Variants in ZFYVE26 observed in about 807,000 individuals in gnomAD.
ZFYVE26 encodes the protein zinc finger FYVE-type containing 26, also known as zinc finger FYVE domain-containing protein 26.
Under a neutral mutation model 276.5 loss-of-function variants are expected in ZFYVE26, and 181 were observed. That is an observed-to-expected ratio of 0.65 (90% confidence interval 0.58 to 0.74). ZFYVE26 has a LOEUF of 0.74. Ranked by LOEUF, ZFYVE26 falls within the 30% of genes least tolerant of loss-of-function variation. The probability of loss-of-function intolerance (pLI) is 0.00; values close to 1 mark genes in which losing one functional copy is unlikely to be tolerated. For synonymous variants in ZFYVE26, 1,129 were observed against 1,203.1 expected (o/e 0.94, Z 1.27); for missense variants, 2,821 against 3,097.9 (o/e 0.91, Z 2.12).
At chr14:67,807,223 G>A (rs751335375) in intron 5 of ZFYVE26, among the ~76,000 whole-genome samples, 175 bp downstream of exon 5, 1 of 152,148 alleles carries the variant, frequency 6.6e-6, no homozygotes, top group African/African-American at 2.4e-5. Context: ...AGGATTACAG[G>A]CCTGAGCCAC....
rs201458213 is a variant in ZFYVE26 at position 67,733,828 on chromosome 14, C to T, written n.2680-4009G>A. 254 of 1,612,906 alleles carry T rather than the reference C, an allele frequency of 1.6e-4. 1 individual carries two copies. In the South Asian group the frequency reaches 2.6e-3, roughly 17 times the overall value. ...CCTATGGAATGTCAGCTGTGAGCTTCTAGGAATCCGGTGGGAGTAGCTGGT... is the reference window on the plus strand; with the variant it reads ...CCTATGGAATGTCAGCTGTGAGCTTTTAGGAATCCGGTGGGAGTAGCTGGT... On this transcript the variant is annotated intron_variant and non_coding_transcript_variant, in intron 13 of 14. Transcript: ENST00000394455.
intron 13 of ZFYVE26, among the ~76,000 whole-genome samples, chr14:67,732,998 C>T (rs1434486276): frequency 6.6e-6 from 1 of 152,018 alleles, no homozygotes; most frequent in Non-Finnish European, 1.5e-5. Context: ...GGAGGGATAG[C>T]ATTAGGAGAT....
At chr14:67,779,583 G>C (rs924730262) in intron 23 of ZFYVE26, among the ~76,000 whole-genome samples, 6 of 152,108 alleles carry the variant, frequency 3.9e-5, no homozygotes, top group African/African-American at 1.4e-4. Flanking sequence ...TAAAAATAAA[G>C]ATAAATAAAA....
chr14:67,740,045 A>G (rs1238829806), intron 13 of ZFYVE26, among the ~76,000 whole-genome samples: 2 of 152,196 alleles, frequency 1.3e-5, no homozygotes, highest in Non-Finnish European at 2.9e-5. Context: ...ATTATTTCCC[A>G]GGACCTCAGT....
intron 34 of ZFYVE26, 76 bp from the exon 35 acceptor site, chr14:67,761,660 A>G: frequency 1.5e-6 from 2 of 1,322,918 alleles, no homozygotes; most frequent in Non-Finnish European, 2.1e-6. Flanking sequence ...TTGCTTGCAA[A>G]GAATATTTAA....
Position 67,785,985 on chromosome 14 carries a change from G to C in ZFYVE26, c.3177C>G (p.Cys1059Trp), listed in dbSNP as rs1345853054. The change falls in exon 18 of 42, where the codon TGC (cysteine) becomes TGG (tryptophan). Residue 1059 changes from cysteine to tryptophan, a missense_variant. By Grantham distance (215) the Cys-to-Trp change is radical. Transcript: ENST00000347230. ...ACATCTGAAGCAGTTCAGTGATGCT[G>C]CACCGTGGAGGGCCTCCTCCCTTTT... ...VEEKGGGPPRCSITELLQMCW... is the reference protein window; with the variant it reads ...VEEKGGGPPRWSITELLQMCW... 2.5e-6 allele frequency: 4 copies of C among 1,614,228 alleles called. No individual in the cohort carries two copies. The Admixed American group carries it at 6.7e-5, about 27-fold the overall frequency.
At chr14:67,759,162 G>A (rs1448359109) in intron 35 of ZFYVE26, among the ~76,000 whole-genome samples, 14 of 147,002 alleles carry the variant, frequency 9.5e-5, no homozygotes, top group Non-Finnish European at 1.8e-4. Context: ...GGAGAAGGGT[G>A]TGAACCCAGG....
At chr14:67,758,901 C>T (rs981594138) in intron 35 of ZFYVE26, among the ~76,000 whole-genome samples, 2 of 152,132 alleles carry the variant, frequency 1.3e-5, no homozygotes, top group Admixed American at 6.5e-5. Flanking sequence ...TCCCAATGTG[C>T]TGGGATCACA....
At position 67,802,260 on chromosome 14, in the gene ZFYVE26, A is replaced by G; in HGVS notation, c.1458T>C (p.Pro486=). The G allele has an allele frequency of 6.2e-7, 1 of 1,614,204 alleles. No homozygotes were observed. Among genetic ancestry groups the G allele is most frequent in the Non-Finnish European group, 8.5e-7 (1 of 1,180,006 alleles). ...GGTTCTGACACTGGCTCAGGTGCTC[A>G]GGGACTGGAGCATCAACTGCATCTG... ...QEPDAVDAPV[P]EHLSQCQNLT... Residue 486 remains proline (P), a synonymous_variant, in exon 10 of 42, where the codon CCT becomes CCC. Transcript: ENST00000347230.
chr14:67,808,274 C>A (rs1355572153), intron 4 of ZFYVE26, among the ~76,000 whole-genome samples: 1 of 152,146 alleles, frequency 6.6e-6, no homozygotes, highest in Non-Finnish European at 1.5e-5. Context: ...TCTGCCAACT[C>A]ACAGACCAGG....
intron 13 of ZFYVE26, chr14:67,735,402 G>T: frequency 1.5e-6 from 1 of 662,636 alleles, no homozygotes; most frequent in South Asian, 1.6e-5. Flanking sequence ...TTCCAGAAAA[G>T]ACTTGCCGCA....
chr14:67,757,115 C>T (rs1280346730), intron 35 of ZFYVE26, among the ~76,000 whole-genome samples: 2 of 152,170 alleles, frequency 1.3e-5, no homozygotes, highest in African/African-American at 2.4e-5. Context: ...CCCACCACCT[C>T]CCCTGGACCA....
chr14:67,756,218 T>A, intron 35 of ZFYVE26, 73 bp from the exon 36 acceptor site: 1 of 1,494,414 alleles, frequency 6.7e-7, no homozygotes. Context: ...CACTCTGAAT[T>A]TCCTTCTATT....
intron 38 of ZFYVE26, 90 bp from the exon 39 acceptor site, chr14:67,753,856 T>C: frequency 6.5e-7 from 1 of 1,529,282 alleles, no homozygotes. Context: ...TATTCAATTA[T>C]TCAACAAATA....
In ZFYVE26 at chr14:67,785,290, T is replaced by C. The variant is rs756697102; in HGVS notation, c.3305-13A>G. The C allele has an allele frequency of 6.3e-6, 10 of 1,582,472 alleles. No homozygotes were observed. In the African/African-American group the frequency reaches 1.2e-4, roughly 19 times the overall value. ...GGAGTCCTGGGCTCTGAGAGGAGGA[T>C]GGCAGGAGAAAGGACACAGGCTTCA... On this transcript the variant is annotated splice_polypyrimidine_tract_variant and intron_variant, in intron 18 of 41. Coordinates refer to ENST00000347230, the MANE Select transcript of ZFYVE26 (RefSeq NM_015346.4).
intron 16 of ZFYVE26, among the ~76,000 whole-genome samples, chr14:67,788,715 T>C (rs752440063): frequency 2.0e-5 from 3 of 152,188 alleles, no homozygotes; most frequent in Non-Finnish European, 4.4e-5. Flanking sequence ...CCCAGACACA[T>C]GGGGCTACTC....
At chr14:67,729,757 A>G (rs1446332052) in exon 14 of ZFYVE26, 1 of 506,548 alleles carries the variant, frequency 2.0e-6, no homozygotes, top group East Asian at 5.3e-5. Flanking sequence ...ACAAAGTGCT[A>G]GGGGAACGTC....
chr14:67,762,330 G>A lies in ZFYVE26; in HGVS notation c.6242C>T (p.Ala2081Val), dbSNP rs2038954873. 1.2e-6 allele frequency: 2 copies of A among 1,614,076 alleles called. No individual in the cohort carries two copies. The highest frequency in any genetic ancestry group is 2.2e-5 in the East Asian group (1 of 44,896). The part of the protein sequence containing the change: ...MACLKAGNLT[A>V]AREKFSRCLK... Reference sequence around the variant, plus strand: ...ACAGCGACTGAACTTCTCCCGTGCAGCAGTGAGGTTCCCGGCTTTGAGGCA... The same window carrying A: ...ACAGCGACTGAACTTCTCCCGTGCAACAGTGAGGTTCCCGGCTTTGAGGCA... The change falls in exon 34 of 42, where the codon GCT becomes GTT. Residue 2081 changes from alanine to valine, a missense_variant. Transcript: ENST00000347230.
intron 24 of ZFYVE26, among the ~76,000 whole-genome samples, 192 bp downstream of exon 24, chr14:67,777,934 A>G (rs1412471264): frequency 6.6e-6 from 1 of 151,804 alleles, no homozygotes; most frequent in Non-Finnish European, 1.5e-5. Flanking sequence ...AGAATTCTGG[A>G]CCCAGCCGCC....
Sources: allele counts gnomAD v4.1 joint callset (sites outside exome capture counted in the v4.1 genomes callset), GRCh38; gene constraint gnomAD v4.1.1; transcripts MANE v1.5; gene names NCBI Gene and HGNC (gene_info 2026-07-23, HGNC 2026-07-21).